Variants in EPHA6 observed in about 807,000 individuals in gnomAD.
EPHA6 encodes EPH receptor A6.
EPHA6 carries 50 observed loss-of-function variants against 112.0 expected under a neutral mutation model. The observed-to-expected ratio is 0.45, with a 90% confidence interval of 0.36 to 0.56. EPHA6 has a LOEUF of 0.56. Ranked by LOEUF, EPHA6 falls within the 20% of genes least tolerant of loss-of-function variation. The pLI is 0.00. For missense variants in EPHA6, 1,280 were observed against 1,417.4 expected (o/e 0.90, Z 1.56); for synonymous variants, 529 against 490.7 (o/e 1.08, Z -1.03).
At chr3:97,573,598 T>C (rs1326980123) in intron 11 of EPHA6, among the ~76,000 whole-genome samples, 5 of 151,936 alleles carry the variant, frequency 3.3e-5, no homozygotes, top group Non-Finnish European at 5.9e-5. Flanking sequence ...TTTTAAATTT[T>C]ATTTTTTATT....
At position 96,954,773 on chromosome 3, in the gene EPHA6, C is replaced by CTTTTTT. The variant is rs10612575; in HGVS notation, c.451-32531_451-32526dup. Among the ~76,000 whole-genome samples, 94 of 72,686 alleles carry CTTTTTT rather than the reference C, an allele frequency of 1.3e-3. 10 individuals carry two copies. The highest frequency in any genetic ancestry group is 4.7e-3 in the African/African-American group (86 of 18,168). 47.7% of individuals were successfully genotyped at this position (72,686 alleles called of 152,430 possible). On this transcript the variant is annotated intron_variant, in intron 2 of 17. Coordinates refer to ENST00000389672, the MANE Select transcript of EPHA6 (RefSeq NM_001080448.3). ...TAGTCTTAAATTTTTACTGGTGTGC[C>CTTTTTT]TTTTTTTTTTTTTTTTTTTTTTTTT...
chr3:96,948,147 T>C (rs1312017301), intron 2 of EPHA6, among the ~76,000 whole-genome samples: 1 of 152,234 alleles, frequency 6.6e-6, no homozygotes, highest in African/African-American at 2.4e-5. Flanking sequence ...AAAAACTGTT[T>C]TTTTAATTGC....
intron 3 of EPHA6, among the ~76,000 whole-genome samples, chr3:97,128,239 T>A (rs1190460918): frequency 6.6e-6 from 1 of 152,344 alleles, no homozygotes; most frequent in South Asian, 2.1e-4. Context: ...ATGTATCATA[T>A]TTTCTTTATT....
At chr3:97,611,934 A>G (rs1325236009) in intron 13 of EPHA6, among the ~76,000 whole-genome samples, 3 of 151,794 alleles carry the variant, frequency 2.0e-5, no homozygotes, top group Non-Finnish European at 4.4e-5. Context: ...AGCAGTGATG[A>G]TATATTTATA....
intron 3 of EPHA6, among the ~76,000 whole-genome samples, chr3:97,152,720 T>C (rs1448773914): frequency 6.6e-6 from 1 of 152,122 alleles, no homozygotes; most frequent in East Asian, 1.9e-4. Flanking sequence ...GTCTTAATGA[T>C]TACTTCTTTT....
chr3:97,743,501 C>A (rs2035592492), intron 16 of EPHA6, among the ~76,000 whole-genome samples: 1 of 152,080 alleles, frequency 6.6e-6, no homozygotes, highest in African/African-American at 2.4e-5. Flanking sequence ...TTGTTAGCAA[C>A]CTAAGAGTCT....
intron 3 of EPHA6, among the ~76,000 whole-genome samples, chr3:96,999,973 G>T (rs1035651336): frequency 3.3e-5 from 5 of 151,692 alleles, no homozygotes; most frequent in Non-Finnish European, 7.4e-5. Context: ...TTTCCTTCCA[G>T]CTCTCAACCC....
chr3:97,539,162 T>G (rs1024771366), intron 11 of EPHA6, among the ~76,000 whole-genome samples: 17 of 150,430 alleles, frequency 1.1e-4, no homozygotes, highest in Admixed American at 1.0e-3. Flanking sequence ...TCTTTTTTTT[T>G]TTTGAGACAC....
intron 2 of EPHA6, among the ~76,000 whole-genome samples, chr3:96,893,998 A>T (rs1269275546): frequency 1.3e-5 from 2 of 152,170 alleles, no homozygotes; most frequent in East Asian, 1.9e-4. Flanking sequence ...TCCAATATGG[A>T]TGAAACGTCT....
chr3:97,406,568 T>A (rs1351566747), intron 6 of EPHA6, among the ~76,000 whole-genome samples: 1 of 152,172 alleles, frequency 6.6e-6, no homozygotes, highest in East Asian at 1.9e-4. Flanking sequence ...AACATAAGCT[T>A]GGCAGGGACA....
chr3:97,384,172 T>A (rs1477219701), intron 5 of EPHA6, among the ~76,000 whole-genome samples: 1 of 152,226 alleles, frequency 6.6e-6, no homozygotes, highest in Non-Finnish European at 1.5e-5. Flanking sequence ...ACAAGCCAAC[T>A]ATTTTGAGTG....
At chr3:97,748,543 TG>T in intron 17 of EPHA6, 43 bp from the exon 18 acceptor site, 4 of 897,126 alleles carry the variant, frequency 4.5e-6, no homozygotes, top group Non-Finnish European at 7.4e-6. Flanking sequence ...CTCTCTTTCT[TG>T]CTCTCACTCT....
At chr3:97,184,654 G>C (rs2077074762) in intron 3 of EPHA6, among the ~76,000 whole-genome samples, 1 of 152,144 alleles carries the variant, frequency 6.6e-6, no homozygotes, top group South Asian at 2.1e-4. Context: ...GTAAGTTATA[G>C]ATTCAATGCC....
rs146073285 is a variant in EPHA6, at chr3:97,417,755, A to T, written c.1731+12481A>T. Among the ~76,000 whole-genome samples, 31 of 152,270 alleles carry T rather than the reference A, an allele frequency of 2.0e-4. 1 individual carries two copies. In the East Asian group the frequency reaches 6.0e-3, roughly 29 times the overall value. The stretch of plus-strand genomic sequence containing the variant: ...GGCCACTGGCTAGGAGGGAGAATTG[A>T]TTCTGCGACTTTGGTGCTGAGCTAA... On this transcript the variant is annotated intron_variant, in intron 6 of 17. Transcript: ENST00000389672.
chr3:97,529,484 A>G (rs904592373), intron 10 of EPHA6, among the ~76,000 whole-genome samples: 1 of 152,112 alleles, frequency 6.6e-6, no homozygotes, highest in Non-Finnish European at 1.5e-5. Flanking sequence ...TGAGTTAATT[A>G]TGTACTAACC....
At position 97,548,085 on chromosome 3, in the gene EPHA6, G is replaced by C. The variant is rs566565803; in HGVS notation, c.2386+15542G>C. ...CTGTACCCACTGTCCTGCACCTACT[G>C]TCTGGCACTCCCCAGTGAGATGAAC... On this transcript the variant is annotated intron_variant, in intron 11 of 17. Transcript: ENST00000389672. 1.1e-4 allele frequency among the ~76,000 whole-genome samples: 16 copies of C among 152,294 alleles called. No homozygotes were observed. The South Asian group carries it at 1.7e-3, about 16-fold the overall frequency.
rs548036693 is a variant in EPHA6 at position 96,998,628 on chromosome 3, G to T, written c.1114+10635G>T. On this transcript the variant is annotated intron_variant, in intron 3 of 17. Coordinates refer to ENST00000389672, the MANE Select transcript of EPHA6 (RefSeq NM_001080448.3). ...CTAATGATCTGCCGACAATTTAATTGTCATTTCTTGGGAGATTATGTATAG... is the reference window on the plus strand; with the variant it reads ...CTAATGATCTGCCGACAATTTAATTTTCATTTCTTGGGAGATTATGTATAG... Among the ~76,000 whole-genome samples the T allele has an allele frequency of 2.0e-5, 3 of 151,890 alleles. No individual in the cohort carries two copies. In the East Asian group the frequency reaches 5.8e-4, roughly 29 times the overall value.
rs188942588 is a variant in EPHA6 at position 97,494,950 on chromosome 3, A to T, written c.2200+10891A>T. 1.6e-4 allele frequency among the ~76,000 whole-genome samples: 25 copies of T among 152,288 alleles called. 1 individual carries two copies. The East Asian group carries it at 4.6e-3, about 28-fold the overall frequency. ...TCATTCTGGCCACCTTCCTCTGGAG[A>T]TCTAGAGTTTTTCTCTAAGTCTTTT... On this transcript the variant is annotated intron_variant, in intron 10 of 17. Coordinates refer to ENST00000389672, the MANE Select transcript of EPHA6 (RefSeq NM_001080448.3).
rs573165829 is a variant in EPHA6 at position 97,547,269 on chromosome 3, G to A, written c.2386+14726G>A. ...GTGTGGATGTCCTTTCTGTTTTTTA[G>A]TTTTCCTTCTAACAGAGAGGACCCT... is the stretch of plus-strand genomic sequence containing the variant. On this transcript the variant is annotated intron_variant, in intron 11 of 17. Coordinates refer to ENST00000389672, the MANE Select transcript of EPHA6 (RefSeq NM_001080448.3). Among the ~76,000 whole-genome samples the A allele has an allele frequency of 2.6e-5, 4 of 152,230 alleles. No homozygotes were observed. In the East Asian group the frequency reaches 7.7e-4, roughly 29 times the overall value.
Sources: allele counts gnomAD v4.1 joint callset (sites outside exome capture counted in the v4.1 genomes callset), GRCh38; gene constraint gnomAD v4.1.1; transcripts MANE v1.5; gene names NCBI Gene and HGNC (gene_info 2026-07-23, HGNC 2026-07-21).